The following SNX3 variants were observed in gnomAD, a reference collection of about 807,000 sequenced individuals.
SNX3 encodes the protein sorting nexin 3.
SNX3 carries 5 observed loss-of-function variants against 17.7 expected under a neutral mutation model. The observed-to-expected ratio is 0.28, with a 90% CI of 0.15 to 0.59. The LOEUF (loss-of-function observed/expected upper bound fraction) is 0.59, where lower values mean the gene tolerates loss of function less well. Ranked by LOEUF, SNX3 falls within the 20% of genes least tolerant of loss-of-function variation. The pLI is 0.88. For synonymous variants in SNX3, 91 were observed against 76.5 expected (o/e 1.19, Z -0.99); for missense variants, 132 against 206.8 (o/e 0.64, Z 2.22).
intron 1 of SNX3, among the ~76,000 whole-genome samples, chr6:108,251,797 G>A (rs1019422362): frequency 2.0e-4 from 31 of 152,240 alleles, no homozygotes; most frequent in African/African-American, 5.1e-4. Context: ...GTGGCCAGGC[G>A]CGGTGGCTCA....
In SNX3 at chr6:108,211,475, T is replaced by C. The variant is rs1415939665; in HGVS notation, c.*674A>G. ...CTCAACAAGTGACTTAAGTAGTCAC[T>C]CATAGAGAGCAAAAAAAGCTGGAGG... On this transcript the variant is annotated 3_prime_UTR_variant, in exon 4 of 4. Coordinates refer to ENST00000230085, the MANE Select transcript of SNX3 (RefSeq NM_003795.6). The C allele has an allele frequency of 6.6e-6, 1 of 152,476 alleles. No individual in the cohort carries two copies. The highest frequency in any genetic ancestry group is 2.4e-5 in the African/African-American group (1 of 41,448). 9.4% of individuals were successfully genotyped at this position (152,476 alleles called of 1,614,324 possible). A position where few individuals can be genotyped will look rare whatever the true frequency, so the allele number is the denominator to read the frequency against.
At chr6:108,228,249 TAA>T (rs1199103326) in intron 1 of SNX3, among the ~76,000 whole-genome samples, 2 of 151,816 alleles carry the variant, frequency 1.3e-5, no homozygotes, top group Non-Finnish European at 2.9e-5. Flanking sequence ...CTACAAAAAA[TAA>T]AAAATTAGCT....
chr6:108,251,926 G>A (rs1009856990), intron 1 of SNX3, among the ~76,000 whole-genome samples: 1 of 152,076 alleles, frequency 6.6e-6, no homozygotes, highest in East Asian at 1.9e-4. Flanking sequence ...GCCAGGCATG[G>A]TGGTGCACGA....
At chr6:108,228,424 C>T (rs1475912850) in intron 1 of SNX3, among the ~76,000 whole-genome samples, 1 of 152,092 alleles carries the variant, frequency 6.6e-6, no homozygotes, top group Non-Finnish European at 1.5e-5. Flanking sequence ...TGGCGGGTAC[C>T]TGTAATCCCA....
At chr6:108,239,409 G>A (rs1043465454) in intron 1 of SNX3, among the ~76,000 whole-genome samples, 6 of 152,122 alleles carry the variant, frequency 3.9e-5, no homozygotes, top group African/African-American at 1.4e-4. Context: ...CACTGCTTGA[G>A]GCCAAGAGTT....
At chr6:108,212,318 T>C in intron 3 of SNX3, 64 bp from the exon 4 acceptor site, 1 of 1,107,982 alleles carries the variant, frequency 9.0e-7, no homozygotes, top group South Asian at 1.4e-5. Flanking sequence ...TCAAAACACA[T>C]ATTTTAAAGT....
At chr6:108,248,447 T>C (rs1184917810) in intron 1 of SNX3, among the ~76,000 whole-genome samples, 1 of 152,220 alleles carries the variant, frequency 6.6e-6, no homozygotes. Context: ...TTATTAAACT[T>C]AGCATTGCAA....
intron 1 of SNX3, among the ~76,000 whole-genome samples, chr6:108,228,546 A>T (rs1582481211): frequency 7.8e-6 from 1 of 127,612 alleles, no homozygotes; most frequent in African/African-American, 4.4e-5. Context: ...AACTCTGTTT[A>T]AAAAAAAAAA....
Position 108,260,848 on chromosome 6 carries a change from G to C in SNX3, c.74C>G (p.Pro25Arg), listed in dbSNP as rs1776174063. The change falls in exon 1 of 4, where the codon CCC becomes CGC. Residue 25 changes from proline (P) to arginine (R), a missense_variant. Physicochemically the swap from Pro to Arg is moderately radical, Grantham distance 103. This residue lies in a region of SNX3 where 78 missense variants were observed against 88.8 expected (regional missense o/e 0.88). Coordinates refer to ENST00000230085, the MANE Select transcript of SNX3 (RefSeq NM_003795.6). ...PQNLNDAYGP[P>R]SNFLEIDVSN... The stretch of plus-strand genomic sequence containing the variant: ...CACATCGATCTCGAGGAAGTTGCTG[G>C]GGGGTCCGTAGGCGTCATTCAGGTT... 6.2e-7 allele frequency: 1 copy of C among 1,613,568 alleles called. No individual in the cohort carries two copies. Among genetic ancestry groups the C allele is most frequent in the Non-Finnish European group, 8.5e-7 (1 of 1,179,720 alleles).
chr6:108,220,182 T>G (rs1409797500), intron 2 of SNX3, among the ~76,000 whole-genome samples: 1 of 152,138 alleles, frequency 6.6e-6, no homozygotes, highest in Non-Finnish European at 1.5e-5. Context: ...AAAAATATTT[T>G]ATAAATTATA....
intron 1 of SNX3, among the ~76,000 whole-genome samples, chr6:108,236,866 A>T (rs1775361926): frequency 6.6e-6 from 1 of 152,210 alleles, no homozygotes; most frequent in South Asian, 2.1e-4. Context: ...CAGCAACTAG[A>T]CATCATGACA....
intron 1 of SNX3, among the ~76,000 whole-genome samples, chr6:108,254,113 T>A (rs1242419402): frequency 2.2e-5 from 3 of 137,978 alleles, no homozygotes; most frequent in East Asian, 2.2e-4. Flanking sequence ...GGTGACAGAG[T>A]GAGATTCCGT....
intron 1 of SNX3, among the ~76,000 whole-genome samples, chr6:108,238,191 A>G (rs1011049633): frequency 2.6e-5 from 4 of 152,086 alleles, no homozygotes; most frequent in Non-Finnish European, 4.4e-5. Context: ...AACTAAGTAC[A>G]TGAACATTGT....
chr6:108,244,153 C>CT (rs1275495010), intron 1 of SNX3, among the ~76,000 whole-genome samples: 2 of 151,180 alleles, frequency 1.3e-5, no homozygotes, highest in South Asian at 2.1e-4. Flanking sequence ...TTCTCCCCCG[C>CT]TTTTTTTTTC....
chr6:108,247,820 G>C (rs563345518), intron 1 of SNX3, among the ~76,000 whole-genome samples: 2 of 152,042 alleles, frequency 1.3e-5, no homozygotes. Flanking sequence ...AATTATAGCC[G>C]GGTGTGGTGG....
intron 1 of SNX3, among the ~76,000 whole-genome samples, chr6:108,223,426 C>T (rs951079811): frequency 4.0e-5 from 6 of 151,728 alleles, no homozygotes; most frequent in Admixed American, 2.0e-4. Flanking sequence ...GCATGAGCCA[C>T]GGCACCCGGC....
chr6:108,224,018 T>C (rs748005884), intron 1 of SNX3, among the ~76,000 whole-genome samples: 1 of 152,206 alleles, frequency 6.6e-6, no homozygotes, highest in East Asian at 1.9e-4. Flanking sequence ...ACAGTCCTCA[T>C]AGGGGAAATA....
intron 1 of SNX3, among the ~76,000 whole-genome samples, chr6:108,244,017 A>G (rs1461430371): frequency 1.3e-5 from 2 of 152,210 alleles, no homozygotes; most frequent in Non-Finnish European, 2.9e-5. Flanking sequence ...CTATATTAGT[A>G]TCAGATAAAG....
intron 1 of SNX3, among the ~76,000 whole-genome samples, chr6:108,239,766 A>C (rs962230081): frequency 5.9e-5 from 9 of 152,238 alleles, no homozygotes; most frequent in African/African-American, 2.2e-4. Flanking sequence ...GACCCAAAGC[A>C]GATATTAAAT....
Sources: allele counts gnomAD v4.1 joint callset (sites outside exome capture counted in the v4.1 genomes callset), GRCh38; gene constraint gnomAD v4.1.1; regional missense constraint gnomAD v4.1.1; transcripts MANE v1.5; gene names NCBI Gene and HGNC (gene_info 2026-07-23, HGNC 2026-07-21).